The following NKD1 variants were observed in gnomAD, a reference collection of about 807,000 sequenced individuals.
The protein encoded by NKD1 is protein naked cuticle homolog 1.
In NKD1, 21 loss-of-function variants were observed where a neutral mutation model predicts 56.0. That is an observed-to-expected ratio of 0.38 (90% confidence interval 0.27 to 0.54). The LOEUF (loss-of-function observed/expected upper bound fraction) is 0.54. Among genes scored for constraint, NKD1 ranks in the 20% least tolerant of loss-of-function variants. The pLI, the probability that NKD1 is intolerant of heterozygous loss-of-function variation, is 0.82. For missense variants in NKD1, 578 were observed against 642.7 expected (o/e 0.90, Z 1.09); for synonymous variants, 263 against 265.7 (o/e 0.99, Z 0.10).
rs1337386278 is a variant in NKD1, at chr16:50,559,720, GGGA to G, written c.192+10170_192+10172del. 2.0e-5 allele frequency among the ~76,000 whole-genome samples: 3 copies of G among 152,110 alleles called. No homozygotes were observed. The East Asian group carries it at 5.8e-4, about 29-fold the overall frequency. On this transcript the variant is annotated intron_variant, in intron 3 of 9. Transcript: ENST00000268459. ...CTTTCTGGTCAGGTTGGAAGAGGTAGGGAGGAGAACCTCTCAGTCACAAGAAAT... is the reference window on the plus strand; with the variant it reads ...CTTTCTGGTCAGGTTGGAAGAGGTAGGGAGAACCTCTCAGTCACAAGAAAT...
chr16:50,602,951 C>G (rs1307139725), intron 3 of NKD1, among the ~76,000 whole-genome samples: 1 of 152,224 alleles, frequency 6.6e-6, no homozygotes, highest in Non-Finnish European at 1.5e-5. Context: ...AATGTGCCTC[C>G]TGGACACACA....
At chr16:50,571,004 C>A (rs1960871034) in intron 3 of NKD1, 1 of 985,162 alleles carries the variant, frequency 1.0e-6, no homozygotes, top group Admixed American at 6.1e-5. Context: ...GCGGACCCTC[C>A]TGGGTGTGCA....
chr16:50,588,559 A>G (rs986145650), intron 3 of NKD1, among the ~76,000 whole-genome samples: 5 of 142,476 alleles, frequency 3.5e-5, no homozygotes, highest in Non-Finnish European at 7.6e-5. Context: ...GCCACTTGTT[A>G]GCTACTTGTT....
chr16:50,601,866 T>C (rs887869031), intron 3 of NKD1, among the ~76,000 whole-genome samples: 3 of 152,022 alleles, frequency 2.0e-5, no homozygotes, highest in Non-Finnish European at 4.4e-5. Flanking sequence ...GAGGCCTGGG[T>C]TCTGATGACC....
Position 50,608,119 on chromosome 16 carries a change from A to C in NKD1, c.193-175A>C, listed in dbSNP as rs111295171. ...TGCTGATGCGTGTGGGTTTATGTTA[A>C]GGGCAGGAGGGACCCACCTTGGCAC... On this transcript the variant is annotated intron_variant, in intron 3 of 9. Transcript: ENST00000268459. 7.1e-4 allele frequency: 445 copies of C among 626,806 alleles called. 1 individual carries two copies. Among genetic ancestry groups the C allele is most frequent in the African/African-American group, 6.5e-3 (362 of 55,710 alleles). 38.8% of individuals were successfully genotyped at this position (626,806 alleles called of 1,614,324 possible).
chr16:50,576,157 T>A (rs1481173733), intron 3 of NKD1, among the ~76,000 whole-genome samples: 1 of 152,204 alleles, frequency 6.6e-6, no homozygotes, highest in Non-Finnish European at 1.5e-5. Flanking sequence ...GACTATATGC[T>A]AGTTTGCCCT....
intron 3 of NKD1, among the ~76,000 whole-genome samples, chr16:50,562,989 C>CCCCCCCCCG (rs1555487552): frequency 1.2e-3 from 146 of 119,612 alleles, no homozygotes; most frequent in Admixed American, 1.9e-3. Flanking sequence ...CACCACCACC[C>CCCCCCCCCG]CCCCCCCCCG....
intron 4 of NKD1, among the ~76,000 whole-genome samples, chr16:50,617,786 A>G (rs1961995941): frequency 6.6e-6 from 1 of 152,246 alleles, no homozygotes. Flanking sequence ...TGTACTGCAC[A>G]AGGATTTCCA....
intron 5 of NKD1, 49 bp downstream of exon 5, chr16:50,621,757 T>C (rs910826280): frequency 1.3e-5 from 19 of 1,415,956 alleles, no homozygotes; most frequent in Middle Eastern, 1.8e-4. Context: ...ATGGGTTTTC[T>C]CAGCTTGGGG....
intron 6 of NKD1, among the ~76,000 whole-genome samples, chr16:50,629,322 C>T (rs1261502982): frequency 6.6e-6 from 1 of 152,162 alleles, no homozygotes; most frequent in Non-Finnish European, 1.5e-5. Context: ...CTCGTTTAAC[C>T]TTAGTTATCT....
At chr16:50,604,455 T>C (rs981614206) in intron 3 of NKD1, among the ~76,000 whole-genome samples, 2 of 152,156 alleles carry the variant, frequency 1.3e-5, no homozygotes, top group African/African-American at 4.8e-5. Context: ...ACAATAACAA[T>C]AGCAGGAGTA....
In NKD1 at chr16:50,629,606, G is replaced by A. The variant is rs530537862; in HGVS notation, c.463-580G>A. Among the ~76,000 whole-genome samples the A allele has an allele frequency of 3.3e-5, 5 of 152,224 alleles. No homozygotes were observed. The East Asian group carries it at 9.7e-4, about 29-fold the overall frequency. ...CTGCAGGGAAGCCCAAAAGCACAAG[G>A]GAGGGTTGGGCACAGTGGCTCATGG... On this transcript the variant is annotated intron_variant, in intron 6 of 9. Transcript: ENST00000268459.
chr16:50,593,076 G>T (rs1961403744), intron 3 of NKD1, among the ~76,000 whole-genome samples: 1 of 152,088 alleles, frequency 6.6e-6, no homozygotes, highest in Non-Finnish European at 1.5e-5. Flanking sequence ...GGATGGAACC[G>T]AGTGGGGCCG....
rs932031544 is a variant in NKD1 at position 50,647,037 on chromosome 16, G to A, written c.*13256G>A. 4 of 152,230 alleles carry A rather than the reference G, an allele frequency of 2.6e-5. No homozygotes were observed. Among genetic ancestry groups the A allele is most frequent in the African/African-American group, 9.7e-5 (4 of 41,450 alleles). 9.4% of individuals were successfully genotyped at this position (152,230 alleles called of 1,614,324 possible). ...AATGAATGAATGAATGTGAGATCGT[G>A]AGAACACACAGCTGGTTGGCAAGCA... On this transcript the variant is annotated 3_prime_UTR_variant, in exon 10 of 10. Coordinates refer to ENST00000268459, the MANE Select transcript of NKD1 (RefSeq NM_033119.5).
intron 3 of NKD1, chr16:50,551,913 T>C (rs1960395250): frequency 1.3e-5 from 2 of 152,142 alleles, no homozygotes; most frequent in African/African-American, 4.8e-5. Context: ...CACTAAGATA[T>C]TGAACAGGAC....
At chr16:50,554,829 C>G (rs1960466885) in intron 3 of NKD1, among the ~76,000 whole-genome samples, 1 of 152,020 alleles carries the variant, frequency 6.6e-6, no homozygotes, top group African/African-American at 2.4e-5. Flanking sequence ...CTTTGTTGCC[C>G]AGGCTGGATT....
chr16:50,549,343 C>G, intron 2 of NKD1, 79 bp from the exon 3 acceptor site: 1 of 1,540,410 alleles, frequency 6.5e-7, no homozygotes, highest in Non-Finnish European at 8.8e-7. Flanking sequence ...CCTCCCACCG[C>G]GCCTCCTTCT....
intron 3 of NKD1, chr16:50,607,074 C>G (rs1406537896): frequency 4.4e-6 from 2 of 455,832 alleles, no homozygotes; most frequent in Non-Finnish European, 8.8e-6. Flanking sequence ...AATAAAGTAG[C>G]CTGGTTTTGA....
intron 5 of NKD1, among the ~76,000 whole-genome samples, chr16:50,624,365 TC>T (rs949130641): frequency 4.6e-5 from 7 of 152,158 alleles, no homozygotes; most frequent in Non-Finnish European, 8.8e-5. Flanking sequence ...GTCAGACACT[TC>T]AGGTTGCTGA....
Sources: gnomAD v4.1 joint callset for allele counts (sites outside exome capture counted in the v4.1 genomes callset) on GRCh38, gnomAD v4.1.1 for gene constraint, MANE v1.5 for transcripts, NCBI Gene and HGNC (gene_info 2026-07-23, HGNC 2026-07-21) for gene names.